ZW10: variants seen among roughly 807,000 people sequenced by gnomAD.
ZW10 encodes zw10 kinetochore protein, also known as centromere/kinetochore protein zw10 homolog.
ZW10 carries 53 observed loss-of-function variants against 87.8 expected under a neutral mutation model. The observed-to-expected ratio is 0.60, with a 90% CI of 0.48 to 0.76. The LOEUF is 0.76. Ranked by LOEUF, ZW10 falls within the 30% of genes least tolerant of loss-of-function variation. ZW10 has a pLI of 0.00. For synonymous variants in ZW10, 312 were observed against 329.2 expected (o/e 0.95, Z 0.57); for missense variants, 837 against 923.0 (o/e 0.91, Z 1.21).
At chr11:113,752,787 G>A (rs533952534) in intron 7 of ZW10, among the ~76,000 whole-genome samples, 34 of 152,176 alleles carry the variant, frequency 2.2e-4, no homozygotes, top group Middle Eastern at 3.4e-3. Context: ...ACTGAAATTA[G>A]ACCAACTAAT....
chr11:113,734,071 C>T (rs1953522487), intron 15 of ZW10, among the ~76,000 whole-genome samples: 1 of 152,130 alleles, frequency 6.6e-6, no homozygotes, highest in Non-Finnish European at 1.5e-5. Flanking sequence ...TATTCTATAC[C>T]AAGGCCTCTT....
At position 113,736,788 on chromosome 11, in the gene ZW10, G is replaced by A; in HGVS notation, c.2051C>T (p.Ser684Phe). ...ISTEDGDRLYSLCKTVMDEGP... is the reference protein window; with the variant it reads ...ISTEDGDRLYFLCKTVMDEGP... Reference sequence around the variant, plus strand: ...TTCATCCATCACTGTTTTGCATAAGGAATATAACCTATCACCATCTTCAGT... The same window carrying A: ...TTCATCCATCACTGTTTTGCATAAGAAATATAACCTATCACCATCTTCAGT... Residue 684 changes from serine to phenylalanine, a missense_variant, in exon 15 of 16, where the codon TCC (serine) becomes TTC (phenylalanine). Transcript: ENST00000200135. 6.2e-7 allele frequency: 1 copy of A among 1,614,068 alleles called. No homozygotes were observed. The highest frequency in any genetic ancestry group is 8.5e-7 in the Non-Finnish European group (1 of 1,180,000).
intron 1 of ZW10, chr11:113,771,357 T>C (rs1294145057): frequency 6.6e-6 from 1 of 152,188 alleles, no homozygotes; most frequent in Non-Finnish European, 1.5e-5. Flanking sequence ...GCCAAGGCCA[T>C]GCACATAAAA....
rs1340046582 is a variant in ZW10, at chr11:113,748,555, C to G, written c.926-135G>C. On this transcript the variant is annotated intron_variant, in intron 7 of 15. Transcript: ENST00000200135. ...ACAGATAATTCCACAGCCTTCTCAA[C>G]TGCGTGGGACAAATCATGACACACA... The G allele has an allele frequency of 5.0e-5, 33 of 655,100 alleles. No homozygotes were observed. The South Asian group carries it at 5.2e-4, about 10-fold the overall frequency. 40.6% of individuals were successfully genotyped at this position (655,100 alleles called of 1,614,324 possible).
intron 7 of ZW10, among the ~76,000 whole-genome samples, chr11:113,756,236 C>T (rs187445111): frequency 6.6e-6 from 1 of 152,072 alleles, no homozygotes; most frequent in Admixed American, 6.6e-5. Flanking sequence ...TCAAGAAGGC[C>T]ATCTGCAAGA....
At chr11:113,749,619 C>T (rs969075147) in intron 7 of ZW10, among the ~76,000 whole-genome samples, 1 of 152,144 alleles carries the variant, frequency 6.6e-6, no homozygotes, top group Non-Finnish European at 1.5e-5. Context: ...TACTATACTG[C>T]ACTATATATT....
At chr11:113,741,833 C>G in intron 10 of ZW10, 68 bp from the exon 11 acceptor site, 1 of 1,066,958 alleles carries the variant, frequency 9.4e-7, no homozygotes, top group Non-Finnish European at 1.4e-6. Flanking sequence ...AAAATTTAAA[C>G]TAAGTGCATC....
In ZW10 at chr11:113,758,635, TCTC is replaced by T. The variant is rs760997804; in HGVS notation, c.649_651del (p.Glu217del). ...GAACTGATGGGTGGCATAGGGGTCT[TCTC>T]CTCTTTGTGCGATTGTTCAGTGTAT... On this transcript the variant is annotated inframe_deletion, in exon 6 of 16. Transcript: ENST00000200135. The T allele has an allele frequency of 3.7e-6, 6 of 1,613,978 alleles. No homozygotes were observed. Among genetic ancestry groups the T allele is most frequent in the Non-Finnish European group, 5.1e-6 (6 of 1,180,002 alleles).
chr11:113,773,437 C>T (rs1474846904), intron 1 of ZW10, 125 bp downstream of exon 1: 2 of 742,266 alleles, frequency 2.7e-6, no homozygotes, highest in South Asian at 1.8e-5. Context: ...ACTAGATCTC[C>T]CCAACAGGCC....
intron 14 of ZW10, 33 bp downstream of exon 14, chr11:113,737,539 C>G (rs760213382): frequency 6.7e-7 from 1 of 1,503,418 alleles, no homozygotes; most frequent in Non-Finnish European, 9.0e-7. Flanking sequence ...TGAATTGCAT[C>G]TCAAGGCTAG....
chr11:113,768,912 T>C lies in ZW10; in HGVS notation c.161A>G (p.Gln54Arg). The C allele has an allele frequency of 6.2e-7, 1 of 1,614,024 alleles. No individual in the cohort carries two copies. The highest frequency in any genetic ancestry group is 8.5e-7 in the Non-Finnish European group (1 of 1,179,870). ...CTGGGTAATCAGGCCCTGCGCGCTC[T>C]GCATGCTAGGCAGGAATTCACTGTA... ...KKYSEFLPSM[Q>R]SAQGLITQVD... Residue 54 changes from glutamine to arginine, a missense_variant, in exon 2 of 16, where the codon CAG (glutamine) becomes CGG (arginine). Physicochemically the swap from Gln to Arg is conservative, Grantham distance 43 (BLOSUM62 1). Transcript: ENST00000200135.
At chr11:113,742,741 C>T (rs1264429463) in intron 10 of ZW10, among the ~76,000 whole-genome samples, 1 of 152,128 alleles carries the variant, frequency 6.6e-6, no homozygotes, top group African/African-American at 2.4e-5. Flanking sequence ...TTCATTTTGC[C>T]AACAGTCACT....
intron 12 of ZW10, among the ~76,000 whole-genome samples, chr11:113,738,941 T>C (rs1160595303): frequency 6.6e-6 from 1 of 152,128 alleles, no homozygotes; most frequent in Non-Finnish European, 1.5e-5. Context: ...AATCCTGACC[T>C]GGCAAATTCA....
intron 15 of ZW10, among the ~76,000 whole-genome samples, chr11:113,734,110 T>C (rs73007957): frequency 2.0e-5 from 3 of 152,114 alleles, no homozygotes; most frequent in Non-Finnish European, 2.9e-5. Flanking sequence ...CATACTCTCA[T>C]GCCTTAGGCT....
chr11:113,760,746 C>A, intron 3 of ZW10, 71 bp downstream of exon 3: 1 of 1,262,472 alleles, frequency 7.9e-7, no homozygotes, highest in South Asian at 1.3e-5. Context: ...CCATTATAGT[C>A]AGGAGATAGC....
chr11:113,747,437 C>A, intron 9 of ZW10, 94 bp downstream of exon 9: 1 of 1,163,580 alleles, frequency 8.6e-7, no homozygotes, highest in South Asian at 1.7e-5. Context: ...GCTCAACAAC[C>A]GTCATCCTCT....
At chr11:113,771,404 G>C (rs965912649) in intron 1 of ZW10, 1 of 152,256 alleles carries the variant, frequency 6.6e-6, no homozygotes, top group Admixed American at 6.5e-5. Flanking sequence ...GGGCTGGAGT[G>C]GGGGCAGGGG....
intron 10 of ZW10, among the ~76,000 whole-genome samples, chr11:113,742,316 T>C (rs1460861077): frequency 1.3e-5 from 2 of 152,216 alleles, no homozygotes; most frequent in East Asian, 3.9e-4. Context: ...ATTATTAAAA[T>C]GCACTTTTAA....
chr11:113,754,891 G>A (rs61905740), intron 7 of ZW10, among the ~76,000 whole-genome samples: 11,594 of 152,080 alleles, frequency 0.076, 602 homozygotes, highest in Non-Finnish European at 0.11. Context: ...TTCTCTTACC[G>A]TGGCCTTCCA....
Sources: gnomAD v4.1 joint callset for allele counts (sites outside exome capture counted in the v4.1 genomes callset) on GRCh38, gnomAD v4.1.1 for gene constraint, MANE v1.5 for transcripts, NCBI Gene and HGNC (gene_info 2026-07-23, HGNC 2026-07-21) for gene names.